Variants in CAST observed in about 807,000 individuals in gnomAD.
CAST encodes the protein calpastatin.
In CAST, 76 loss-of-function variants were observed where a neutral mutation model predicts 119.6. The observed-to-expected ratio is 0.64, with a 90% confidence interval of 0.53 to 0.77. The LOEUF is 0.77. Ranked by LOEUF, CAST falls within the 30% of genes least tolerant of loss-of-function variation. The probability of loss-of-function intolerance (pLI) is 0.00; values close to 1 mark genes in which losing one functional copy is unlikely to be tolerated. For synonymous variants in CAST, 319 were observed against 331.6 expected (o/e 0.96, Z 0.41); for missense variants, 953 against 946.5 (o/e 1.01, Z -0.09).
the CAST span, among the ~76,000 whole-genome samples, chr5:96,260,301 C>T: frequency 1.3e-5 from 2 of 152,158 alleles, no homozygotes; most frequent in Non-Finnish European, 2.9e-5. Flanking sequence ...AATCATGAGG[C>T]AGAATTTCTC....
chr5:96,227,270 G>A, the CAST span, among the ~76,000 whole-genome samples: 10 of 152,148 alleles, frequency 6.6e-5, no homozygotes, highest in Non-Finnish European at 1.5e-4. Flanking sequence ...AATACATTTT[G>A]AATTCTTTGG....
the CAST span, among the ~76,000 whole-genome samples, chr5:96,259,498 G>A: frequency 6.6e-6 from 1 of 152,112 alleles, no homozygotes. Context: ...GGTCACATTT[G>A]TTTATTTAGC....
chr5:96,432,924 G>T, the CAST span: 5 of 1,614,172 alleles, frequency 3.1e-6, no homozygotes, highest in South Asian at 5.5e-5. Flanking sequence ...CGGGCCCCCG[G>T]GGATCTCCGC....
chr5:96,131,418 T>TACACACACAC, the CAST span, among the ~76,000 whole-genome samples: 12 of 148,050 alleles, frequency 8.1e-5, no homozygotes, highest in African/African-American at 2.7e-4. Flanking sequence ...CTTGTTATTA[T>TACACACACAC]ACACACACAC....
At chr5:96,445,520 G>A in the CAST span, among the ~76,000 whole-genome samples, 1 of 152,146 alleles carries the variant, frequency 6.6e-6, no homozygotes, top group Non-Finnish European at 1.5e-5. Flanking sequence ...CATCTGAAAT[G>A]GTTCCTGTTT....
chr5:96,419,460 C>G, the CAST span, among the ~76,000 whole-genome samples: 1 of 145,882 alleles, frequency 6.9e-6, no homozygotes, highest in Admixed American at 6.7e-5. Flanking sequence ...TATATATATA[C>G]ACTCACTTAA....
At chr5:96,124,586 T>TG in the CAST span, among the ~76,000 whole-genome samples, 1 of 152,170 alleles carries the variant, frequency 6.6e-6, no homozygotes, top group African/African-American at 2.4e-5. Context: ...TATCAACCCT[T>TG]TATGGACAGG....
the CAST span, chr5:96,397,271 C>T: frequency 1.4e-6 from 2 of 1,433,594 alleles, no homozygotes; most frequent in South Asian, 2.3e-5. Context: ...TGAAATCAAC[C>T]TTAAAAGTGC....
the CAST span, among the ~76,000 whole-genome samples, chr5:96,179,828 A>C: frequency 1.3e-5 from 2 of 152,130 alleles, no homozygotes; most frequent in African/African-American, 4.8e-5. Flanking sequence ...CGAGGTCAGG[A>C]GATCGAGACC....
the CAST span, among the ~76,000 whole-genome samples, chr5:96,339,096 T>C: frequency 6.6e-6 from 1 of 152,176 alleles, no homozygotes; most frequent in South Asian, 2.1e-4. Context: ...GGGCCAGGTC[T>C]CCAGCTTTAC....
intron 1 of CAST, among the ~76,000 whole-genome samples, chr5:96,563,239 C>T (rs575422663): frequency 6.6e-6 from 1 of 152,248 alleles, no homozygotes; most frequent in Admixed American, 6.5e-5. Context: ...TTCTTTGGGT[C>T]ACCATTTCCT....
chr5:96,349,171 A>G, the CAST span, among the ~76,000 whole-genome samples: 5 of 70,704 alleles, frequency 7.1e-5, no homozygotes, highest in Non-Finnish European at 1.1e-4. Context: ...AGTTATCAGT[A>G]TAAACTGTTC....
At chr5:96,564,312 A>G (rs374844948) in intron 1 of CAST, among the ~76,000 whole-genome samples, 47 of 152,326 alleles carry the variant, frequency 3.1e-4, no homozygotes, top group African/African-American at 1.1e-3. Context: ...ATCTCTCAAT[A>G]TATCGATTCC....
chr5:96,580,534 T>C (rs4869294), intron 1 of CAST, among the ~76,000 whole-genome samples: 9,074 of 152,248 alleles, frequency 0.06, 824 homozygotes, highest in East Asian at 0.31. Context: ...TGCATGCAGA[T>C]TAGCTGGGTA....
chr5:96,666,798 A>C (rs1486962548), intron 1 of CAST, among the ~76,000 whole-genome samples: 1 of 152,152 alleles, frequency 6.6e-6, no homozygotes, highest in Non-Finnish European at 1.5e-5. Flanking sequence ...GTGCCTTTTA[A>C]AGAATGCTAT....
the CAST span, among the ~76,000 whole-genome samples, chr5:96,212,115 G>A: frequency 9.2e-5 from 14 of 151,738 alleles, no homozygotes; most frequent in Non-Finnish European, 1.2e-4. Context: ...TGTTTTTCTG[G>A]TTTCACATTA....
intron 6 of CAST, among the ~76,000 whole-genome samples, chr5:96,728,042 C>G (rs926310880): frequency 6.6e-6 from 1 of 152,158 alleles, no homozygotes; most frequent in African/African-American, 2.4e-5. Context: ...TGTTACTTTC[C>G]TGACCCATGA....
chr5:96,324,788 A>G, the CAST span, among the ~76,000 whole-genome samples: 3 of 152,150 alleles, frequency 2.0e-5, no homozygotes, highest in East Asian at 5.8e-4. Flanking sequence ...AAGGTACACT[A>G]CTATAACCCT....
intron 3 of CAST, among the ~76,000 whole-genome samples, chr5:96,706,785 G>A (rs1464308178): frequency 6.6e-6 from 1 of 152,212 alleles, no homozygotes; most frequent in African/African-American, 2.4e-5. Flanking sequence ...GTGGAACTGA[G>A]AGTTCTGGTT....
Sources: allele counts gnomAD v4.1 joint callset (sites outside exome capture counted in the v4.1 genomes callset), GRCh38; gene constraint gnomAD v4.1.1; transcripts MANE v1.5; gene names NCBI Gene and HGNC (gene_info 2026-07-23, HGNC 2026-07-21).